Variants in LINGO2 observed in about 807,000 individuals in gnomAD.
LINGO2 encodes leucine-rich repeat and immunoglobulin-like domain-containing nogo receptor-interacting protein 2.
A neutral mutation model predicts 30.6 loss-of-function variants in LINGO2; 14 were observed. The ratio of observed to expected loss-of-function variants is 0.46; its 90% CI spans 0.30 to 0.72. LINGO2 has a LOEUF of 0.72. Ranked by LOEUF, LINGO2 falls within the 30% of genes least tolerant of loss-of-function variation. The pLI is 0.07. For missense variants in LINGO2, 729 were observed against 751.7 expected (o/e 0.97, Z 0.35); for synonymous variants, 317 against 288.5 (o/e 1.10, Z -1.00).
intron 3 of LINGO2, among the ~76,000 whole-genome samples, chr9:28,312,155 C>CTTTATTT (rs1554703781): frequency 7.0e-6 from 1 of 143,262 alleles, no homozygotes; most frequent in Non-Finnish European, 1.5e-5. Flanking sequence ...TTTCTTTTTT[C>CTTTATTT]TTTTTTTTGT....
the LINGO2 span, among the ~76,000 whole-genome samples, chr9:29,028,542 A>T: frequency 2.6e-5 from 4 of 152,080 alleles, no homozygotes; most frequent in Non-Finnish European, 5.9e-5. Context: ...TGCTACTCCC[A>T]TCAAAAGGTA....
the LINGO2 span, among the ~76,000 whole-genome samples, chr9:28,871,307 A>G: frequency 6.6e-6 from 1 of 151,574 alleles, no homozygotes; most frequent in African/African-American, 2.4e-5. Context: ...AAATTAAACA[A>G]TAGAACAATA....
At chr9:28,848,397 G>GTATATATATATA in the LINGO2 span, among the ~76,000 whole-genome samples, 11 of 48,412 alleles carry the variant, frequency 2.3e-4, no homozygotes, top group Admixed American at 3.2e-4. Flanking sequence ...GTGTGTGTGT[G>GTATATATATATA]TATATATATA....
chr9:29,181,530 C>T, the LINGO2 span, among the ~76,000 whole-genome samples: 1 of 152,106 alleles, frequency 6.6e-6, no homozygotes, highest in Non-Finnish European at 1.5e-5. Flanking sequence ...TTACAGTTTT[C>T]TTAGCTTCCA....
chr9:28,450,630 C>G (rs1020264157), intron 2 of LINGO2, among the ~76,000 whole-genome samples: 20 of 152,152 alleles, frequency 1.3e-4, no homozygotes, highest in Admixed American at 6.6e-4. Context: ...ATTTCTCTAC[C>G]TAATTAGTTT....
the LINGO2 span, among the ~76,000 whole-genome samples, chr9:28,862,656 C>G: frequency 2.6e-5 from 4 of 152,018 alleles, no homozygotes; most frequent in Admixed American, 2.6e-4. Context: ...ATTTCAGAAG[C>G]CTGTACCACT....
chr9:28,076,523 T>C (rs1356617515), intron 4 of LINGO2, among the ~76,000 whole-genome samples: 6 of 152,274 alleles, frequency 3.9e-5, no homozygotes, highest in Admixed American at 2.0e-4. Context: ...ATGTTTATTT[T>C]TAAGAATAGG....
the LINGO2 span, among the ~76,000 whole-genome samples, chr9:28,953,111 T>C: frequency 6.6e-6 from 1 of 152,040 alleles, no homozygotes; most frequent in African/African-American, 2.4e-5. Flanking sequence ...TCTACAAGAG[T>C]TAAATATTGG....
chr9:29,011,145 T>A, the LINGO2 span, among the ~76,000 whole-genome samples: 1 of 152,176 alleles, frequency 6.6e-6, no homozygotes, highest in Admixed American at 6.6e-5. Flanking sequence ...ATCACTGTTT[T>A]TCATACATAT....
the LINGO2 span, among the ~76,000 whole-genome samples, chr9:29,207,904 AT>A: frequency 6.6e-6 from 1 of 152,188 alleles, no homozygotes; most frequent in East Asian, 1.9e-4. Flanking sequence ...AGCTTTTAAA[AT>A]TTTATTCAAA....
the LINGO2 span, among the ~76,000 whole-genome samples, chr9:28,829,670 C>A: frequency 6.6e-6 from 1 of 152,096 alleles, no homozygotes; most frequent in African/African-American, 2.4e-5. Flanking sequence ...GGCAGATTAC[C>A]TGAGGTCAGG....
chr9:29,143,529 T>C, the LINGO2 span, among the ~76,000 whole-genome samples: 3 of 152,212 alleles, frequency 2.0e-5, no homozygotes, highest in East Asian at 5.8e-4. Context: ...GAAATACTCT[T>C]AGACAAAGGT....
chr9:28,321,843 C>A (rs548110320), intron 3 of LINGO2, among the ~76,000 whole-genome samples: 2 of 152,010 alleles, frequency 1.3e-5, no homozygotes, highest in East Asian at 3.9e-4. Flanking sequence ...GATAGTTTCC[C>A]AAAATAAATT....
At chr9:28,524,513 G>A (rs908445178) in intron 1 of LINGO2, among the ~76,000 whole-genome samples, 1 of 150,976 alleles carries the variant, frequency 6.6e-6, no homozygotes, top group East Asian at 2.0e-4. Flanking sequence ...ACAACACTTT[G>A]GGAGGCTGAG....
intron 2 of LINGO2, among the ~76,000 whole-genome samples, chr9:28,423,527 G>A (rs1029675047): frequency 1.2e-4 from 18 of 152,124 alleles, no homozygotes; most frequent in African/African-American, 4.1e-4. Context: ...ATCAATTAAG[G>A]ATGCTACCTG....
intron 4 of LINGO2, among the ~76,000 whole-genome samples, chr9:28,013,095 G>C (rs775564545): frequency 6.6e-6 from 1 of 152,136 alleles, no homozygotes; most frequent in Non-Finnish European, 1.5e-5. Context: ...TAAAATGTTG[G>C]AATGATGTTT....
the LINGO2 span, among the ~76,000 whole-genome samples, chr9:29,086,776 C>A: frequency 7.9e-5 from 12 of 152,080 alleles, no homozygotes; most frequent in Admixed American, 6.6e-4. Context: ...ACAGAGTGCG[C>A]TCTATATGCT....
intron 1 of LINGO2, among the ~76,000 whole-genome samples, chr9:28,637,496 T>C (rs1164201987): frequency 1.3e-5 from 2 of 152,174 alleles, no homozygotes; most frequent in African/African-American, 4.8e-5. Context: ...TTTTATTTCG[T>C]TGAGCAGTGT....
chr9:28,005,257 C>T (rs1235756428), intron 5 of LINGO2, among the ~76,000 whole-genome samples: 2 of 152,130 alleles, frequency 1.3e-5, no homozygotes. Flanking sequence ...GTTATGTGCC[C>T]ACCATGGACA....
Sources: allele counts gnomAD v4.1 joint callset (sites outside exome capture counted in the v4.1 genomes callset), GRCh38; gene constraint gnomAD v4.1.1; transcripts MANE v1.5; gene names NCBI Gene and HGNC (gene_info 2026-07-23, HGNC 2026-07-21).